CSMD1: variants seen among roughly 807,000 people sequenced by gnomAD.
CSMD1 encodes the protein CUB and Sushi multiple domains 1.
In CSMD1, 213 loss-of-function variants were observed where a neutral mutation model predicts 417.5. The ratio of observed to expected loss-of-function variants is 0.51; its 90% CI spans 0.46 to 0.57. CSMD1 has a LOEUF of 0.57. Ranked by LOEUF, CSMD1 falls within the 20% of genes least tolerant of loss-of-function variation. The pLI is 0.00. For missense variants in CSMD1, 6,923 were observed against 4,529.7 expected (o/e 1.53, Z -15.17); for synonymous variants, 2,862 against 1,736.8 (o/e 1.65, Z -16.11).
At chr8:4,704,186 C>CA (rs1807770961) in intron 1 of CSMD1, among the ~76,000 whole-genome samples, 1 of 152,312 alleles carries the variant, frequency 6.6e-6, no homozygotes, top group South Asian at 2.1e-4. Flanking sequence ...ACACGTAAGT[C>CA]AAATTTAATA....
intron 3 of CSMD1, among the ~76,000 whole-genome samples, chr8:4,166,186 A>C (rs1797445875): frequency 6.6e-6 from 1 of 152,184 alleles, no homozygotes; most frequent in African/African-American, 2.4e-5. Context: ...TGAAAAGCAA[A>C]TGCAAAATAG....
intron 26 of CSMD1, among the ~76,000 whole-genome samples, chr8:3,233,822 T>G (rs1798992880): frequency 6.6e-6 from 1 of 152,038 alleles, no homozygotes; most frequent in Non-Finnish European, 1.5e-5. Context: ...GAGAGTCACA[T>G]TAGATTACAG....
intron 2 of CSMD1, among the ~76,000 whole-genome samples, chr8:4,592,629 C>T (rs1007316914): frequency 3.9e-5 from 6 of 152,072 alleles, no homozygotes; most frequent in African/African-American, 7.2e-5. Context: ...CCAAGTGATC[C>T]GCCTGTCTTG....
At chr8:4,583,435 A>T (rs889754265) in intron 2 of CSMD1, among the ~76,000 whole-genome samples, 1 of 152,140 alleles carries the variant, frequency 6.6e-6, no homozygotes. Context: ...TGAGTGCACC[A>T]ATCGACACTC....
intron 3 of CSMD1, among the ~76,000 whole-genome samples, chr8:4,198,788 C>G (rs775563846): frequency 6.6e-6 from 1 of 152,066 alleles, no homozygotes; most frequent in Admixed American, 6.5e-5. Context: ...AGTTCATCGA[C>G]TTTACTAGAT....
At chr8:4,080,832 G>T (rs376522353) in intron 3 of CSMD1, among the ~76,000 whole-genome samples, 1 of 152,202 alleles carries the variant, frequency 6.6e-6, no homozygotes, top group East Asian at 1.9e-4. Context: ...ATTCAATAAA[G>T]GTATTGCTAT....
intron 36 of CSMD1, among the ~76,000 whole-genome samples, chr8:3,183,947 A>G (rs1013155844): frequency 6.6e-6 from 1 of 152,170 alleles, no homozygotes; most frequent in Non-Finnish European, 1.5e-5. Flanking sequence ...ATCTTTTCCT[A>G]ATTCAATGCA....
At chr8:4,256,269 G>C (rs1237463948) in intron 3 of CSMD1, among the ~76,000 whole-genome samples, 1 of 152,124 alleles carries the variant, frequency 6.6e-6, no homozygotes, top group South Asian at 2.1e-4. Flanking sequence ...CCTTAACAGA[G>C]GTTTCACGAT....
chr8:4,425,901 C>A (rs563640413), intron 2 of CSMD1, among the ~76,000 whole-genome samples: 1 of 151,998 alleles, frequency 6.6e-6, no homozygotes, highest in East Asian at 1.9e-4. Context: ...TATGTTACTC[C>A]CTATCGTAAT....
At chr8:3,251,475 T>C (rs1257611404) in intron 26 of CSMD1, among the ~76,000 whole-genome samples, 1 of 152,194 alleles carries the variant, frequency 6.6e-6, no homozygotes, top group Non-Finnish European at 1.5e-5. Flanking sequence ...AGCCTTGTAG[T>C]ATAGTTTGAA....
chr8:2,965,809 G>A lies in CSMD1; in HGVS notation c.9246C>T (p.Asp3082=), dbSNP rs188129505. 6.4e-5 allele frequency: 103 copies of A among 1,610,162 alleles called. No individual in the cohort carries two copies. In the East Asian group the frequency reaches 1.5e-3, roughly 24 times the overall value. ...VTSATIRCTK[D]GRWNPSKPVC... ...CAGGTTTGCTCGGATTCCACCTGCC[G>A]TCTTTGGTACAGCGAATAGTGGCGG... Residue 3082 remains aspartate (D), a synonymous_variant, in exon 59 of 70, where the codon GAC becomes GAT. Transcript: ENST00000635120.
chr8:4,401,769 C>A, intron 3 of CSMD1, among the ~76,000 whole-genome samples: 1 of 152,068 alleles, frequency 6.6e-6, no homozygotes, highest in Non-Finnish European at 1.5e-5. Context: ...TGAACATAGT[C>A]CCCGCAGCCC....
chr8:4,498,447 T>A (rs1802087308), intron 2 of CSMD1, among the ~76,000 whole-genome samples: 1 of 152,210 alleles, frequency 6.6e-6, no homozygotes, highest in African/African-American at 2.4e-5. Flanking sequence ...ATTTACTTAA[T>A]TTTTAATTTT....
chr8:4,303,343 G>T (rs1215919279), intron 3 of CSMD1, among the ~76,000 whole-genome samples: 1 of 150,924 alleles, frequency 6.6e-6, no homozygotes, highest in Non-Finnish European at 1.5e-5. Context: ...GCAAAAATTA[G>T]CATCTTCCAT....
chr8:3,651,917 C>G (rs1373271905), intron 7 of CSMD1, among the ~76,000 whole-genome samples: 1 of 151,754 alleles, frequency 6.6e-6, no homozygotes. Context: ...TTACCATCAT[C>G]AGAGCACCTA....
At chr8:3,425,089 C>T (rs12334862) in intron 12 of CSMD1, among the ~76,000 whole-genome samples, 8 of 152,172 alleles carry the variant, frequency 5.3e-5, no homozygotes, top group Non-Finnish European at 1.2e-4. Flanking sequence ...ATCCTCCTGT[C>T]CCAGCATCCC....
At chr8:4,519,398 T>C (rs1363877924) in intron 2 of CSMD1, among the ~76,000 whole-genome samples, 1 of 151,994 alleles carries the variant, frequency 6.6e-6, no homozygotes, top group Non-Finnish European at 1.5e-5. Flanking sequence ...AATAAATACA[T>C]ATTCAAAATT....
chr8:3,923,950 G>A (rs561033783), intron 5 of CSMD1, among the ~76,000 whole-genome samples: 1 of 152,228 alleles, frequency 6.6e-6, no homozygotes, highest in South Asian at 2.1e-4. Context: ...CATTATTACA[G>A]TATTAGAATA....
At chr8:4,867,708 G>C (rs1175763851) in intron 1 of CSMD1, among the ~76,000 whole-genome samples, 1 of 152,072 alleles carries the variant, frequency 6.6e-6, no homozygotes, top group Non-Finnish European at 1.5e-5. Context: ...TTGTGTGTGT[G>C]TAAATTGTCA....
Sources: allele counts gnomAD v4.1 joint callset (sites outside exome capture counted in the v4.1 genomes callset), GRCh38; gene constraint gnomAD v4.1.1; transcripts MANE v1.5; gene names NCBI Gene and HGNC (gene_info 2026-07-23, HGNC 2026-07-21).